Variants in TSHZ2 observed in about 807,000 individuals in gnomAD.
The protein encoded by TSHZ2 is teashirt zinc finger homeobox 2.
A neutral mutation model predicts 74.4 loss-of-function variants in TSHZ2; 21 were observed. The observed-to-expected ratio is 0.28, with a 90% confidence interval of 0.20 to 0.41. TSHZ2 has a LOEUF of 0.41. TSHZ2 is among the 10% of genes least tolerant of loss of function. TSHZ2 has a pLI of 1.00. For missense variants in TSHZ2, 1,244 were observed against 1,293.5 expected, an observed-to-expected ratio of 0.96 and a Z score of 0.59; for synonymous variants, 540 against 515.3, an observed-to-expected ratio of 1.05 and a Z score of -0.65.
intron 2 of TSHZ2, among the ~76,000 whole-genome samples, chr20:53,349,651 C>CAAAAA (rs559107005): frequency 7.5e-6 from 1 of 133,380 alleles, no homozygotes; most frequent in African/African-American, 2.9e-5. Flanking sequence ...GACCCCACCT[C>CAAAAA]AAAAAAAAAA....
chr20:53,228,019 GTTT>G lies in TSHZ2; in HGVS notation c.41-25463_41-25461del, dbSNP rs3971383. Reference sequence around the variant, plus strand: ...GCTGATCTTTATAATTTCAAATGGTGTTTTTTTTTTTTTTTTTTTGATTCTGGT... The same window carrying G: ...GCTGATCTTTATAATTTCAAATGGTGTTTTTTTTTTTTTTTTGATTCTGGT... On this transcript the variant is annotated intron_variant, in intron 1 of 2. Transcript: ENST00000371497. 5.4e-3 allele frequency among the ~76,000 whole-genome samples: 548 copies of G among 101,438 alleles called. 4 individuals carry two copies. The highest frequency in any genetic ancestry group is 0.013 in the African/African-American group (346 of 27,536). The allele number at this position is 101,438 out of a possible 152,430, so 66.5% of individuals were successfully genotyped here. A position where few individuals can be genotyped will look rare whatever the true frequency, so the allele number is the denominator to read the frequency against.
At chr20:53,133,360 C>T (rs1480919213) in intron 1 of TSHZ2, among the ~76,000 whole-genome samples, 2 of 152,226 alleles carry the variant, frequency 1.3e-5, no homozygotes, top group Non-Finnish European at 2.9e-5. Flanking sequence ...ATGACAGACA[C>T]AAGGATAAAG....
chr20:53,121,537 C>G (rs773747822), intron 1 of TSHZ2, among the ~76,000 whole-genome samples: 15 of 152,298 alleles, frequency 9.8e-5, no homozygotes, highest in Admixed American at 4.6e-4. Flanking sequence ...CTCATAGCCT[C>G]TGGAGGGAGG....
chr20:53,306,173 C>T (rs1278146097), intron 2 of TSHZ2, among the ~76,000 whole-genome samples: 5 of 152,116 alleles, frequency 3.3e-5, no homozygotes, highest in Non-Finnish European at 7.3e-5. Context: ...CATCCTTTCT[C>T]CGTGAGCGTG....
At chr20:53,411,810 C>G (rs1371331494) in intron 2 of TSHZ2, among the ~76,000 whole-genome samples, 4 of 151,966 alleles carry the variant, frequency 2.6e-5, no homozygotes, top group Admixed American at 2.6e-4. Context: ...GCCAGGATGA[C>G]AGAGCAAGAC....
At chr20:53,008,982 T>C (rs6097187) in intron 1 of TSHZ2, among the ~76,000 whole-genome samples, 7 of 6,348 alleles carry the variant, frequency 1.1e-3, no homozygotes, top group Non-Finnish European at 1.5e-3. Context: ...GTCTTTCTCC[T>C]CTCTCTCTCT....
chr20:53,415,822 GCA>G (rs67505970), intron 2 of TSHZ2, among the ~76,000 whole-genome samples: 60,788 of 147,822 alleles, frequency 0.41, 13,755 homozygotes, highest in East Asian at 0.74. Flanking sequence ...ACACACACAC[GCA>G]CACACAGGCA....
chr20:53,439,105 C>T (rs1984212644), intron 2 of TSHZ2, among the ~76,000 whole-genome samples: 1 of 152,146 alleles, frequency 6.6e-6, no homozygotes, highest in Non-Finnish European at 1.5e-5. Context: ...ACAAAATTAT[C>T]AAATAAATGA....
chr20:53,101,769 G>A (rs1044795223), intron 1 of TSHZ2, among the ~76,000 whole-genome samples: 1 of 152,126 alleles, frequency 6.6e-6, no homozygotes. Context: ...CAACATGAAG[G>A]TTCAAATAGT....
At chr20:53,438,459 A>C (rs577974208) in intron 2 of TSHZ2, among the ~76,000 whole-genome samples, 97 of 152,280 alleles carry the variant, frequency 6.4e-4, no homozygotes, top group African/African-American at 2.3e-3. Context: ...AGCCGTCATA[A>C]TAAGAAAATT....
chr20:53,117,575 G>A (rs182281058), intron 1 of TSHZ2, among the ~76,000 whole-genome samples: 2 of 152,322 alleles, frequency 1.3e-5, no homozygotes, highest in East Asian at 3.9e-4. Flanking sequence ...CTGGGAGAAG[G>A]AAGCAGTTCT....
chr20:53,089,029 T>G (rs1430940120), intron 1 of TSHZ2, among the ~76,000 whole-genome samples: 1 of 152,068 alleles, frequency 6.6e-6, no homozygotes, highest in Non-Finnish European at 1.5e-5. Context: ...GAGAACAGTG[T>G]GAAAGCTTTC....
At chr20:53,443,304 A>G (rs1025216689) in intron 2 of TSHZ2, among the ~76,000 whole-genome samples, 3 of 152,214 alleles carry the variant, frequency 2.0e-5, no homozygotes, top group African/African-American at 7.2e-5. Flanking sequence ...CATGATGTTT[A>G]AGAGGGATCT....
intron 1 of TSHZ2, among the ~76,000 whole-genome samples, chr20:53,235,740 T>C (rs947093407): frequency 1.3e-5 from 2 of 152,206 alleles, no homozygotes; most frequent in Non-Finnish European, 2.9e-5. Flanking sequence ...TTTACAATCT[T>C]TATTTTAAGT....
intron 2 of TSHZ2, among the ~76,000 whole-genome samples, chr20:53,479,126 C>G (rs1986076816): frequency 6.7e-6 from 1 of 150,172 alleles, no homozygotes; most frequent in African/African-American, 2.5e-5. Flanking sequence ...GATCGCGCCA[C>G]TGCACTCCAG....
intron 1 of TSHZ2, among the ~76,000 whole-genome samples, chr20:53,233,110 T>C (rs1315139898): frequency 1.3e-5 from 2 of 151,616 alleles, no homozygotes; most frequent in Non-Finnish European, 1.5e-5. Context: ...AACTGCCCCC[T>C]GGCAGCCATT....
chr20:52,975,949 A>T (rs1981320325), intron 1 of TSHZ2, among the ~76,000 whole-genome samples: 1 of 152,226 alleles, frequency 6.6e-6, no homozygotes, highest in African/African-American at 2.4e-5. Flanking sequence ...AAGTAATTAC[A>T]CCCAAGGACT....
At chr20:53,484,561 T>C (rs1323461965) in intron 2 of TSHZ2, among the ~76,000 whole-genome samples, 1 of 151,762 alleles carries the variant, frequency 6.6e-6, no homozygotes, top group African/African-American at 2.4e-5. Flanking sequence ...AATTTTTGTG[T>C]TTTTAGTAGA....
At chr20:53,478,725 G>A (rs1002049902) in intron 2 of TSHZ2, among the ~76,000 whole-genome samples, 4 of 151,794 alleles carry the variant, frequency 2.6e-5, no homozygotes, top group South Asian at 2.1e-4. Context: ...GAAAGAGCTC[G>A]TGGGGAGCAG....
Sources: gnomAD v4.1 joint callset for allele counts (sites outside exome capture counted in the v4.1 genomes callset) on GRCh38, gnomAD v4.1.1 for gene constraint, MANE v1.5 for transcripts, NCBI Gene and HGNC (gene_info 2026-07-23, HGNC 2026-07-21) for gene names.